The following FRMD4A variants were observed in gnomAD, a reference collection of about 807,000 sequenced individuals.
FRMD4A encodes the protein FERM domain-containing protein 4A.
Under a neutral mutation model 129.1 loss-of-function variants are expected in FRMD4A, and 29 were observed. The ratio of observed to expected loss-of-function variants is 0.22; its 90% confidence interval spans 0.17 to 0.31. FRMD4A has a LOEUF of 0.31. Ranked by LOEUF, FRMD4A falls within the 10% of genes least tolerant of loss-of-function variation. The probability of loss-of-function intolerance (pLI) is 1.00; values close to 1 mark genes in which losing one functional copy is unlikely to be tolerated. For synonymous variants in FRMD4A, 634 were observed against 571.6 expected, an observed-to-expected ratio of 1.11 and a Z score of -1.56; for missense variants, 1,272 against 1,375.8, an observed-to-expected ratio of 0.92 and a Z score of 1.19.
chr10:13,790,064 G>T lies in FRMD4A; in HGVS notation c.299+6432C>A, dbSNP rs145946023. The stretch of plus-strand genomic sequence containing the variant: ...TTATGGAAGCCCTAATTACTATTAG[G>T]CTGTGTATGGAGAGTAAGAGATGGA... On this transcript the variant is annotated intron_variant, in intron 5 of 24. Transcript: ENST00000357447. Among the ~76,000 whole-genome samples the T allele has an allele frequency of 5.9e-3, 900 of 152,124 alleles. 7 individuals carry two copies. The highest frequency in any genetic ancestry group is 0.041 in the Middle Eastern group (12 of 294).
chr10:13,972,388 T>C (rs957160447), intron 2 of FRMD4A: 11 of 890,968 alleles, frequency 1.2e-5, no homozygotes, highest in Non-Finnish European at 1.5e-5. Flanking sequence ...CTGTGGGCAA[T>C]TTGTAAGAAG....
chr10:13,699,224 GTTTTTT>G (rs1168489802), intron 14 of FRMD4A, among the ~76,000 whole-genome samples: 317 of 76,252 alleles, frequency 4.2e-3, no homozygotes, highest in African/African-American at 0.015. Context: ...CTTGGTTATT[GTTTTTT>G]TTTTTTTTTT....
intron 2 of FRMD4A, among the ~76,000 whole-genome samples, chr10:14,283,454 A>G (rs1471932919): frequency 6.6e-6 from 1 of 152,216 alleles, no homozygotes; most frequent in African/African-American, 2.4e-5. Context: ...TATTCATGGT[A>G]AAGATGAAAA....
At chr10:13,927,416 T>C (rs1004313944) in intron 2 of FRMD4A, among the ~76,000 whole-genome samples, 1 of 152,232 alleles carries the variant, frequency 6.6e-6, no homozygotes, top group Non-Finnish European at 1.5e-5. Flanking sequence ...GAATCAGTGC[T>C]TGAAGATTGA....
rs1281066291 is a variant in FRMD4A, at chr10:14,326,636, C to T, written c.45+3422G>A. 6 of 392,700 alleles carry T rather than the reference C, an allele frequency of 1.5e-5. 1 individual carries two copies. The highest frequency in any genetic ancestry group is 1.3e-3 in the Middle Eastern group (2 of 1,554). 24.3% of individuals were successfully genotyped at this position (392,700 alleles called of 1,614,324 possible). A position where few individuals can be genotyped will look rare whatever the true frequency, so the allele number is the denominator to read the frequency against. On this transcript the variant is annotated intron_variant, in intron 2 of 24. Coordinates refer to ENST00000357447, the MANE Select transcript of FRMD4A (RefSeq NM_018027.5). ...AGGTGAGCCTTTATAATCTAAGAAC[C>T]GAAATGGCATCATAACACCCTTGAA... is the stretch of plus-strand genomic sequence containing the variant.
intron 3 of FRMD4A, among the ~76,000 whole-genome samples, chr10:13,819,272 A>G (rs2093593646): frequency 6.6e-6 from 1 of 152,228 alleles, no homozygotes; most frequent in Non-Finnish European, 1.5e-5. Flanking sequence ...CTACAAAAAT[A>G]TCCATTTCTG....
intron 2 of FRMD4A, chr10:13,971,576 A>C: frequency 1.3e-6 from 1 of 797,246 alleles, no homozygotes. Context: ...ACATGTGACA[A>C]TAGCTCATGC....
intron 2 of FRMD4A, among the ~76,000 whole-genome samples, chr10:14,226,269 A>T (rs1843432685): frequency 6.6e-6 from 1 of 151,796 alleles, no homozygotes; most frequent in African/African-American, 2.4e-5. Context: ...TGTGCAGAGG[A>T]CTCCTCAGTA....
intron 3 of FRMD4A, among the ~76,000 whole-genome samples, chr10:13,828,219 A>G (rs1033839535): frequency 9.2e-5 from 14 of 152,164 alleles, no homozygotes; most frequent in Non-Finnish European, 4.4e-5. Context: ...TGCTACATGG[A>G]TATACTATGC....
intron 2 of FRMD4A, among the ~76,000 whole-genome samples, chr10:14,133,920 G>C (rs1023216847): frequency 4.6e-5 from 7 of 151,540 alleles, no homozygotes. Flanking sequence ...GGGGGCATGT[G>C]GTGATGGACA....
At chr10:13,964,311 G>A (rs572274517) in intron 2 of FRMD4A, among the ~76,000 whole-genome samples, 18 of 152,124 alleles carry the variant, frequency 1.2e-4, no homozygotes, top group African/African-American at 4.3e-4. Context: ...AACTTAAAAA[G>A]AAAAATTTAA....
At chr10:13,757,979 G>A (rs1295051315) in intron 8 of FRMD4A, among the ~76,000 whole-genome samples, 3 of 152,134 alleles carry the variant, frequency 2.0e-5, no homozygotes, top group Non-Finnish European at 4.4e-5. Flanking sequence ...CTCGACCTTA[G>A]GTGATTCACC....
chr10:14,073,547 G>T (rs1346613607), intron 2 of FRMD4A, among the ~76,000 whole-genome samples: 1 of 152,114 alleles, frequency 6.6e-6, no homozygotes, highest in African/African-American at 2.4e-5. Flanking sequence ...GGGGGCTGGG[G>T]TCACTTATTA....
intron 2 of FRMD4A, among the ~76,000 whole-genome samples, chr10:14,004,396 T>C (rs1175433456): frequency 6.6e-6 from 1 of 151,974 alleles, no homozygotes; most frequent in African/African-American, 2.4e-5. Context: ...TATAAAATTA[T>C]CCAAGTGTGG....
At chr10:14,032,085 C>T (rs942871509) in intron 2 of FRMD4A, among the ~76,000 whole-genome samples, 4 of 152,114 alleles carry the variant, frequency 2.6e-5, no homozygotes, top group African/African-American at 4.8e-5. Flanking sequence ...TGGGACTTCA[C>T]GCATTCTACC....
At chr10:14,036,738 T>C (rs1833519270) in intron 2 of FRMD4A, among the ~76,000 whole-genome samples, 1 of 152,032 alleles carries the variant, frequency 6.6e-6, no homozygotes, top group South Asian at 2.1e-4. Context: ...TATTGACCAT[T>C]ATACTCGTCT....
intron 2 of FRMD4A, among the ~76,000 whole-genome samples, chr10:14,174,319 T>C (rs1841620222): frequency 6.6e-6 from 1 of 152,046 alleles, no homozygotes; most frequent in African/African-American, 2.4e-5. Context: ...CCCTCTCTCT[T>C]TCCATAATCT....
chr10:13,664,334 A>AG (rs2082851904), intron 18 of FRMD4A, among the ~76,000 whole-genome samples: 2 of 152,248 alleles, frequency 1.3e-5, no homozygotes, highest in Admixed American at 1.3e-4. Flanking sequence ...AGTGCCTTGG[A>AG]GGGGGCAGAG....
At chr10:14,327,066 C>A (rs1843307000) in intron 2 of FRMD4A, 1 of 397,902 alleles carries the variant, frequency 2.5e-6, no homozygotes, top group Non-Finnish European at 4.4e-6. Context: ...ATGGTCCAGG[C>A]ATGCTTACCA....
Sources: allele counts gnomAD v4.1 joint callset (sites outside exome capture counted in the v4.1 genomes callset), GRCh38; gene constraint gnomAD v4.1.1; transcripts MANE v1.5; gene names NCBI Gene and HGNC (gene_info 2026-07-23, HGNC 2026-07-21).